The following DOP1B variants were observed in gnomAD, a reference collection of about 807,000 sequenced individuals.
DOP1B encodes the protein protein DOP1B.
DOP1B carries 174 observed loss-of-function variants against 233.5 expected under a neutral mutation model. That is an observed-to-expected ratio of 0.75 (90% CI 0.66 to 0.85). The LOEUF (loss-of-function observed/expected upper bound fraction) is 0.85, where lower values mean the gene tolerates loss of function less well. Ranked by LOEUF, DOP1B falls within the 40% of genes least tolerant of loss-of-function variation. The pLI is 0.00. For missense variants in DOP1B, 2,652 were observed against 2,846.6 expected, an observed-to-expected ratio of 0.93 and a Z score of 1.56; for synonymous variants, 1,190 against 1,185.6, an observed-to-expected ratio of 1.00 and a Z score of -0.08.
intron 1 of DOP1B, among the ~76,000 whole-genome samples, chr21:36,160,729 C>T (rs893842403): frequency 3.9e-5 from 6 of 152,192 alleles, no homozygotes; most frequent in Non-Finnish European, 7.3e-5. Flanking sequence ...CCACCCGCCT[C>T]GGCCTCCCGA....
At position 36,232,884 on chromosome 21, in the gene DOP1B, A is replaced by G; in HGVS notation, c.2431A>G (p.Asn811Asp). The G allele has an allele frequency of 1.9e-6, 3 of 1,613,884 alleles. No homozygotes were observed. The highest frequency in any genetic ancestry group is 2.5e-6 in the Non-Finnish European group (3 of 1,179,992). Reference sequence around the variant, plus strand: ...CTGTGTGACTGACTGCTACCTCCAGAACGTGGCCATTTCCACTCTGCTGGA... The same window carrying G: ...CTGTGTGACTGACTGCTACCTCCAGGACGTGGCCATTTCCACTCTGCTGGA... ...CCCVTDCYLQ[N>D]VAISTLLEVI... The change falls in exon 15 of 37, where the codon AAC becomes GAC. Residue 811 changes from asparagine to aspartate, a missense_variant. By Grantham distance (23) the Asn-to-Asp change is conservative. Coordinates refer to ENST00000691173, the MANE Select transcript of DOP1B (RefSeq NM_001320714.2).
At chr21:36,219,586 G>T (rs1365631071) in intron 10 of DOP1B, 94 bp downstream of exon 10, 1 of 1,536,710 alleles carries the variant, frequency 6.5e-7, no homozygotes, top group Non-Finnish European at 8.8e-7. Context: ...TTGTGAAGTG[G>T]TAGAGAAAGC....
intron 13 of DOP1B, among the ~76,000 whole-genome samples, chr21:36,228,780 A>C: frequency 6.9e-5 from 1 of 14,436 alleles, no homozygotes. Context: ...TAAATAAATA[A>C]AATAAAATAA....
chr21:36,184,496 G>A (rs2066140228), intron 2 of DOP1B, among the ~76,000 whole-genome samples: 3 of 152,118 alleles, frequency 2.0e-5, no homozygotes, highest in African/African-American at 7.2e-5. Context: ...TGTATACACT[G>A]TTGCGGCCCC....
At chr21:36,243,318 T>C (rs1311760088) in intron 18 of DOP1B, among the ~76,000 whole-genome samples, 10 of 151,948 alleles carry the variant, frequency 6.6e-5, no homozygotes. Flanking sequence ...ATTTAAAATG[T>C]TTGGCAATAT....
chr21:36,238,836 C>T (rs970595227), intron 17 of DOP1B, 135 bp downstream of exon 17: 6 of 820,434 alleles, frequency 7.3e-6, no homozygotes, highest in African/African-American at 6.8e-5. Flanking sequence ...GGTGTGGTGG[C>T]TCACGCCTGT....
Position 36,239,822 on chromosome 21 carries a change from A to T in DOP1B, c.2934A>T (p.Ala978=). ...GCACGGATGGTGCCATCGGTGCGGC[A>T]GCCCAGGGCTGGCTGGTGCGTGCGC... The part of the protein sequence containing the change: ...LACTDGAIGA[A]AQGWLVRALS... Residue 978 remains alanine (A), a synonymous_variant, in exon 18 of 37, where the codon GCA becomes GCT. Transcript: ENST00000691173. 6.4e-7 allele frequency: 1 copy of T among 1,569,550 alleles called. No homozygotes were observed. The highest frequency in any genetic ancestry group is 1.2e-5 in the South Asian group (1 of 86,060).
chr21:36,256,421 A>G (rs894716238), intron 23 of DOP1B, among the ~76,000 whole-genome samples: 1 of 152,206 alleles, frequency 6.6e-6, no homozygotes, highest in Non-Finnish European at 1.5e-5. Flanking sequence ...AGCCTGGGTG[A>G]CAGAGTGAGA....
chr21:36,189,313 C>T lies in DOP1B; in HGVS notation c.139-9757C>T, dbSNP rs74276127. On this transcript the variant is annotated intron_variant, in intron 2 of 36. Transcript: ENST00000691173. Reference sequence around the variant, plus strand: ...GCATATAATGAGGTCAAAAATGTTACAATTATGTCCTAATTATAGCTCAAG... The same window carrying T: ...GCATATAATGAGGTCAAAAATGTTATAATTATGTCCTAATTATAGCTCAAG... Among the ~76,000 whole-genome samples the T allele has an allele frequency of 4.8e-3, 725 of 152,300 alleles. 19 individuals are homozygous for T. The East Asian group carries it at 0.082, about 17-fold the overall frequency.
intron 3 of DOP1B, 137 bp downstream of exon 3, chr21:36,199,388 G>C: frequency 3.5e-6 from 4 of 1,138,582 alleles, no homozygotes; most frequent in Non-Finnish European, 4.8e-6. Flanking sequence ...GCCATCACCA[G>C]GAGACGTCAC....
intron 2 of DOP1B, among the ~76,000 whole-genome samples, chr21:36,176,808 TCCCTC>T (rs2066037204): frequency 6.6e-6 from 1 of 151,950 alleles, no homozygotes. Flanking sequence ...CCCGTTTTTT[TCCCTC>T]CCCTCCCCTT....
chr21:36,265,705 T>C (rs1168565900), intron 26 of DOP1B, among the ~76,000 whole-genome samples: 1 of 152,184 alleles, frequency 6.6e-6, no homozygotes, highest in Admixed American at 6.5e-5. Context: ...ATCTGCTTCT[T>C]TCTGTCTCAT....
intron 23 of DOP1B, among the ~76,000 whole-genome samples, chr21:36,258,124 T>C (rs2067129367): frequency 6.6e-6 from 1 of 152,036 alleles, no homozygotes. Flanking sequence ...TATTATGATT[T>C]TAGAGTGTTA....
At chr21:36,213,748 C>G (rs947115487) in intron 7 of DOP1B, among the ~76,000 whole-genome samples, 8 of 151,334 alleles carry the variant, frequency 5.3e-5, no homozygotes, top group Non-Finnish European at 1.2e-4. Context: ...TCATGTTGGC[C>G]ACGCTGGTTT....
chr21:36,207,499 GTTTTTTTTTTT>G (rs1164791099), intron 4 of DOP1B, among the ~76,000 whole-genome samples: 2 of 89,628 alleles, frequency 2.2e-5, no homozygotes, highest in Non-Finnish European at 4.4e-5. Context: ...AGTTTTTTTT[GTTTTTTTTTTT>G]TTTTTTTTTG....
At chr21:36,208,198 G>T (rs1390123557) in intron 4 of DOP1B, among the ~76,000 whole-genome samples, 1 of 151,686 alleles carries the variant, frequency 6.6e-6, no homozygotes, top group East Asian at 1.9e-4. Flanking sequence ...AGGCAGATTT[G>T]CCCCTAGCAT....
At chr21:36,276,975 A>G in intron 27 of DOP1B, 46 bp from the exon 28 acceptor site, 1 of 1,597,002 alleles carries the variant, frequency 6.3e-7, no homozygotes, top group Non-Finnish European at 8.6e-7. Flanking sequence ...GTAAATGGTG[A>G]CCCATCCATC....
intron 28 of DOP1B, 43 bp downstream of exon 28, chr21:36,277,143 C>G: frequency 1.3e-6 from 2 of 1,593,908 alleles, no homozygotes; most frequent in Non-Finnish European, 1.7e-6. Context: ...GAAATGAGCG[C>G]CATCACGAAT....
chr21:36,280,251 A>G (rs1210621494), intron 30 of DOP1B, 34 bp from the exon 31 acceptor site: 45 of 1,483,080 alleles, frequency 3.0e-5, no homozygotes, highest in Non-Finnish European at 4.1e-5. Context: ...CATCCACTGC[A>G]AATTTAATTG....
Sources: allele counts gnomAD v4.1 joint callset (sites outside exome capture counted in the v4.1 genomes callset), GRCh38; gene constraint gnomAD v4.1.1; transcripts MANE v1.5; gene names NCBI Gene and HGNC (gene_info 2026-07-23, HGNC 2026-07-21).